The following FGGY variants were observed in gnomAD, a reference collection of about 807,000 sequenced individuals.
FGGY encodes the protein FGGY carbohydrate kinase domain-containing protein.
A neutral mutation model predicts 71.3 loss-of-function variants in FGGY; 72 were observed. The ratio of observed to expected loss-of-function variants is 1.01; its 90% CI spans 0.84 to 1.23. FGGY has a LOEUF of 1.23. Ranked by LOEUF, FGGY falls within the 50% of genes most tolerant of loss-of-function variation. The pLI, the probability that FGGY is intolerant of heterozygous loss-of-function variation, is 0.00. For missense variants in FGGY, 668 were observed against 682.3 expected (o/e 0.98, Z 0.23); for synonymous variants, 251 against 250.3 (o/e 1.00, Z -0.02).
intron 14 of FGGY, among the ~76,000 whole-genome samples, chr1:59,691,147 T>G (rs1418464103): frequency 6.6e-6 from 1 of 152,234 alleles, no homozygotes; most frequent in Non-Finnish European, 1.5e-5. Flanking sequence ...CTTTCCCCAC[T>G]GCCTGGCAGC....
chr1:59,382,456 A>G (rs1337187298), intron 5 of FGGY, among the ~76,000 whole-genome samples: 3 of 152,178 alleles, frequency 2.0e-5, no homozygotes, highest in Non-Finnish European at 4.4e-5. Context: ...CCTCAGGTAC[A>G]TGCCATCTCT....
rs972753514 is a variant in FGGY, at chr1:59,554,234, C to T, written c.903+7C>T. On this transcript the variant is annotated splice_region_variant and intron_variant, in intron 8 of 15. Transcript: ENST00000303721. ...GTCTTCTTGTCACATGGGGGTGAGT[C>T]CACTGAGCACAAAGGCAAGGCCACC... 11 of 1,609,446 alleles carry T rather than the reference C, an allele frequency of 6.8e-6. No homozygotes were observed. The highest frequency in any genetic ancestry group is 8.5e-6 in the Non-Finnish European group (10 of 1,176,622).
At chr1:59,742,575 T>G (rs12144173) in intron 14 of FGGY, among the ~76,000 whole-genome samples, 11,573 of 152,276 alleles carry the variant, frequency 0.076, 501 homozygotes, top group African/African-American at 0.13. Flanking sequence ...TGCCAGCAGG[T>G]TTACACCTAT....
chr1:59,477,812 A>G (rs2093327696), intron 6 of FGGY, among the ~76,000 whole-genome samples: 1 of 152,156 alleles, frequency 6.6e-6, no homozygotes, highest in Non-Finnish European at 1.5e-5. Flanking sequence ...TTATCTTTAA[A>G]TTGAAAGCAC....
intron 3 of FGGY, among the ~76,000 whole-genome samples, chr1:59,345,360 G>A (rs2153219212): frequency 2.0e-5 from 3 of 152,230 alleles, no homozygotes; most frequent in African/African-American, 7.2e-5. Context: ...GGCATCAGAG[G>A]GCTGTTAAAG....
At chr1:59,550,770 A>G (rs761513480) in intron 7 of FGGY, among the ~76,000 whole-genome samples, 1 of 152,144 alleles carries the variant, frequency 6.6e-6, no homozygotes, top group African/African-American at 2.4e-5. Context: ...GTATGTTTTC[A>G]TTATGTAAGA....
intron 11 of FGGY, among the ~76,000 whole-genome samples, chr1:59,655,007 C>G (rs567028032): frequency 6.6e-6 from 1 of 152,302 alleles, no homozygotes; most frequent in East Asian, 1.9e-4. Context: ...GGGGCTTCTC[C>G]ATACTCCTGC....
At chr1:59,594,097 A>T (rs2096490510) in intron 8 of FGGY, among the ~76,000 whole-genome samples, 2 of 152,178 alleles carry the variant, frequency 1.3e-5, no homozygotes, top group Non-Finnish European at 2.9e-5. Flanking sequence ...CCCACTAGGG[A>T]CACAAATTGA....
At chr1:59,370,174 T>A (rs2153273532) in intron 4 of FGGY, among the ~76,000 whole-genome samples, 1 of 152,140 alleles carries the variant, frequency 6.6e-6, no homozygotes, top group Admixed American at 6.5e-5. Context: ...GAAAAAAATC[T>A]AGATGAATGT....
intron 7 of FGGY, among the ~76,000 whole-genome samples, chr1:59,522,036 T>C (rs532649003): frequency 6.6e-6 from 1 of 152,350 alleles, no homozygotes; most frequent in South Asian, 2.1e-4. Flanking sequence ...GTTATTTTTA[T>C]TTCACCTACC....
intron 6 of FGGY, among the ~76,000 whole-genome samples, chr1:59,458,164 G>A (rs749490153): frequency 6.6e-5 from 10 of 152,180 alleles, no homozygotes; most frequent in Non-Finnish European, 1.3e-4. Flanking sequence ...TTTGTAAAAT[G>A]TATATGCCCT....
At chr1:59,709,983 T>C (rs573035595) in intron 14 of FGGY, among the ~76,000 whole-genome samples, 1 of 152,290 alleles carries the variant, frequency 6.6e-6, no homozygotes, top group African/African-American at 2.4e-5. Context: ...CCTGACTCTT[T>C]CCACACCTAT....
At chr1:59,660,691 A>G (rs75862375) in intron 12 of FGGY, among the ~76,000 whole-genome samples, 5,662 of 152,362 alleles carry the variant, frequency 0.037, 212 homozygotes, top group African/African-American at 0.099. Flanking sequence ...GGTCCTTTAA[A>G]TAGTAAGCTT....
intron 8 of FGGY, among the ~76,000 whole-genome samples, chr1:59,561,534 C>G (rs2095793429): frequency 6.6e-6 from 1 of 152,188 alleles, no homozygotes; most frequent in South Asian, 2.1e-4. Context: ...TGTTTAATAT[C>G]TCTGAACCCA....
intron 8 of FGGY, among the ~76,000 whole-genome samples, chr1:59,561,006 C>G (rs948388833): frequency 1.3e-5 from 2 of 152,146 alleles, no homozygotes; most frequent in African/African-American, 4.8e-5. Context: ...CCCCTGAGGC[C>G]TGAGCAGGAT....
intron 9 of FGGY, among the ~76,000 whole-genome samples, chr1:59,624,526 G>A (rs1018930464): frequency 1.3e-5 from 2 of 152,122 alleles, no homozygotes; most frequent in African/African-American, 4.8e-5. Flanking sequence ...TAGTGTATTA[G>A]TCCGTTTTCA....
chr1:59,742,136 C>T (rs1202522045), intron 14 of FGGY, among the ~76,000 whole-genome samples: 6 of 152,144 alleles, frequency 3.9e-5, no homozygotes, highest in African/African-American at 1.4e-4. Context: ...TTCTGCCTAT[C>T]AGCTCCCCTA....
At chr1:59,461,692 A>G (rs2092231368) in intron 6 of FGGY, among the ~76,000 whole-genome samples, 1 of 152,176 alleles carries the variant, frequency 6.6e-6, no homozygotes, top group African/African-American at 2.4e-5. Flanking sequence ...CCACAAAGGA[A>G]AGCCCATCAG....
chr1:59,665,603 C>T (rs959104727), intron 12 of FGGY, among the ~76,000 whole-genome samples: 1 of 152,130 alleles, frequency 6.6e-6, no homozygotes, highest in Admixed American at 6.5e-5. Context: ...AAAGGAGGCT[C>T]CATTTGCCCT....
Sources: allele counts gnomAD v4.1 joint callset (sites outside exome capture counted in the v4.1 genomes callset), GRCh38; gene constraint gnomAD v4.1.1; transcripts MANE v1.5; gene names NCBI Gene and HGNC (gene_info 2026-07-23, HGNC 2026-07-21).